Variants in ZMAT4 observed in about 807,000 individuals in gnomAD.
The protein encoded by ZMAT4 is zinc finger matrin-type 4.
In ZMAT4, 17 loss-of-function variants were observed where a neutral mutation model predicts 28.7. The observed-to-expected ratio is 0.59, with a 90% CI of 0.41 to 0.89. The LOEUF is 0.89. ZMAT4 is among the 40% of genes least tolerant of loss of function. The pLI is 0.00. For synonymous variants in ZMAT4, 117 were observed against 109.2 expected (o/e 1.07, Z -0.44); for missense variants, 240 against 283.8 (o/e 0.85, Z 1.11).
chr8:40,712,072 T>TG (rs1810647789), intron 3 of ZMAT4, among the ~76,000 whole-genome samples: 1 of 152,162 alleles, frequency 6.6e-6, no homozygotes, highest in African/African-American at 2.4e-5. Flanking sequence ...TAGAAAAGGA[T>TG]GAAGCACACA....
intron 3 of ZMAT4, among the ~76,000 whole-genome samples, chr8:40,765,902 A>G (rs1374647158): frequency 6.6e-6 from 1 of 152,178 alleles, no homozygotes; most frequent in Non-Finnish European, 1.5e-5. Context: ...TTCAAGAAGT[A>G]AAAAACGAAT....
intron 2 of ZMAT4, among the ~76,000 whole-genome samples, chr8:40,768,479 C>T (rs72641523): frequency 0.1 from 15,311 of 152,148 alleles, 812 homozygotes; most frequent in South Asian, 0.13. Context: ...ATTCCCATCA[C>T]GTTTAAAGAA....
intron 5 of ZMAT4, among the ~76,000 whole-genome samples, chr8:40,664,600 T>C (rs1026475633): frequency 6.6e-6 from 1 of 152,178 alleles, no homozygotes; most frequent in African/African-American, 2.4e-5. Flanking sequence ...AGCTTTCAGA[T>C]GACAGCAGCC....
rs1368900353 is a variant in ZMAT4 at position 40,612,850 on chromosome 8, TC to T, written c.578-31590del. 9.3e-5 allele frequency among the ~76,000 whole-genome samples: 8 copies of T among 86,076 alleles called. 1 individual carries two copies. The highest frequency in any genetic ancestry group is 2.5e-4 in the African/African-American group (8 of 31,936). 56.5% of individuals were successfully genotyped at this position (86,076 alleles called of 152,430 possible). A position where few individuals can be genotyped will look rare whatever the true frequency, so the allele number is the denominator to read the frequency against. Reference sequence around the variant, plus strand: ...TTTTTGAGACGAAGTCTTGCTCTTGTCCCCCAGGCTGGAGTGCAATGACGTG... The same window carrying T: ...TTTTTGAGACGAAGTCTTGCTCTTGTCCCCAGGCTGGAGTGCAATGACGTG... On this transcript the variant is annotated intron_variant, in intron 5 of 6. Transcript: ENST00000297737.
chr8:40,643,877 T>C (rs922842431), intron 5 of ZMAT4, among the ~76,000 whole-genome samples: 1 of 151,180 alleles, frequency 6.6e-6, no homozygotes, highest in Admixed American at 6.6e-5. Flanking sequence ...TTAGTAAGGA[T>C]GCAGTTTAAA....
At chr8:40,767,206 C>T (rs1173363581) in intron 3 of ZMAT4, among the ~76,000 whole-genome samples, 1 of 152,192 alleles carries the variant, frequency 6.6e-6, no homozygotes, top group Non-Finnish European at 1.5e-5. Context: ...AATATGCACA[C>T]TCTTCATTAT....
chr8:40,731,374 C>T (rs1811534369), intron 3 of ZMAT4, among the ~76,000 whole-genome samples: 1 of 152,046 alleles, frequency 6.6e-6, no homozygotes, highest in Non-Finnish European at 1.5e-5. Flanking sequence ...ACTTTAAATT[C>T]ATACTTCAGG....
At chr8:40,782,303 T>G (rs951230991) in intron 2 of ZMAT4, among the ~76,000 whole-genome samples, 7 of 151,910 alleles carry the variant, frequency 4.6e-5, no homozygotes, top group African/African-American at 1.7e-4. Flanking sequence ...GGAGAATCAC[T>G]TGAACCCAGG....
chr8:40,820,895 G>GTGTGTATGTGTGTATGTTTA (rs1563507386), intron 2 of ZMAT4, among the ~76,000 whole-genome samples: 2 of 73,784 alleles, frequency 2.7e-5, no homozygotes, highest in East Asian at 9.0e-4. Flanking sequence ...ATGTGTTTAT[G>GTGTGTATGTGTGTATGTTTA]TGTGTGTTTG....
rs150953774 is a variant in ZMAT4 at position 40,770,001 on chromosome 8, A to G, written c.103-2271T>C. ...AGGCTTATTAGTGATTTTGATCAGT[A>G]CAGGCCTGTTTTCCTCCCTCGGGGC... On this transcript the variant is annotated intron_variant, in intron 2 of 6. Transcript: ENST00000297737. 1.3e-3 allele frequency among the ~76,000 whole-genome samples: 201 copies of G among 152,264 alleles called. 1 individual carries two copies. The highest frequency in any genetic ancestry group is 4.5e-3 in the African/African-American group (189 of 41,556).
At chr8:40,801,351 A>AAAATATATATATATATAT (rs370796453) in intron 2 of ZMAT4, among the ~76,000 whole-genome samples, 1 of 97,258 alleles carries the variant, frequency 1.0e-5, no homozygotes, top group African/African-American at 3.7e-5. Flanking sequence ...TAAAAAAAAA[A>AAAATATATATATATATAT]ATATATATAT....
intron 1 of ZMAT4, among the ~76,000 whole-genome samples, chr8:40,891,831 T>C (rs1412539560): frequency 1.3e-5 from 2 of 152,206 alleles, no homozygotes; most frequent in Non-Finnish European, 2.9e-5. Flanking sequence ...TCTTGATGCC[T>C]AGCTCATCAC....
intron 2 of ZMAT4, among the ~76,000 whole-genome samples, chr8:40,785,925 A>G (rs191273248): frequency 6.6e-4 from 100 of 152,238 alleles, no homozygotes; most frequent in Admixed American, 4.4e-3. Context: ...AAGATTCTGA[A>G]AACTGGTTAA....
chr8:40,721,083 T>G (rs1003261186), intron 3 of ZMAT4, among the ~76,000 whole-genome samples: 2 of 146,158 alleles, frequency 1.4e-5, no homozygotes, highest in African/African-American at 5.1e-5. Flanking sequence ...ACCCACTAAC[T>G]CGTCATCTAG....
chr8:40,701,393 T>A (rs1003395740), intron 3 of ZMAT4, among the ~76,000 whole-genome samples: 7 of 151,832 alleles, frequency 4.6e-5, no homozygotes, highest in East Asian at 1.9e-4. Context: ...ATGCCAACAG[T>A]ACACACTTAG....
intron 1 of ZMAT4, among the ~76,000 whole-genome samples, chr8:40,874,957 C>T (rs982999097): frequency 6.6e-5 from 10 of 152,162 alleles, no homozygotes; most frequent in African/African-American, 2.2e-4. Context: ...TAGCACATGG[C>T]GCACTCCAGA....
At chr8:40,876,071 G>T (rs970368186) in intron 1 of ZMAT4, among the ~76,000 whole-genome samples, 1 of 152,146 alleles carries the variant, frequency 6.6e-6, no homozygotes, top group Non-Finnish European at 1.5e-5. Flanking sequence ...TGAAAATAAT[G>T]TGAATTGTGG....
chr8:40,830,351 G>C (rs1288589052), intron 1 of ZMAT4, among the ~76,000 whole-genome samples: 1 of 151,998 alleles, frequency 6.6e-6, no homozygotes, highest in Non-Finnish European at 1.5e-5. Context: ...CGCTTTTGGA[G>C]CCCCCAGTGT....
chr8:40,756,457 T>TATATATATATATATAA (rs1278110013), intron 3 of ZMAT4, among the ~76,000 whole-genome samples: 1 of 113,316 alleles, frequency 8.8e-6, no homozygotes. Context: ...TATATATATA[T>TATATATATATATATAA]ACACACTTGT....
Sources: gnomAD v4.1 joint callset for allele counts (sites outside exome capture counted in the v4.1 genomes callset) on GRCh38, gnomAD v4.1.1 for gene constraint, MANE v1.5 for transcripts, NCBI Gene and HGNC (gene_info 2026-07-23, HGNC 2026-07-21) for gene names.